CNTN4: variants seen among roughly 807,000 people sequenced by gnomAD.
CNTN4 encodes the protein contactin 4, also known as contactin-4.
In CNTN4, 77 loss-of-function variants were observed where a neutral mutation model predicts 122.5. The observed-to-expected ratio is 0.63, with a 90% CI of 0.52 to 0.76. The LOEUF (loss-of-function observed/expected upper bound fraction) is 0.76, where lower values mean the gene tolerates loss of function less well. Ranked by LOEUF, CNTN4 falls within the 30% of genes least tolerant of loss-of-function variation. The pLI is 0.00. For missense variants in CNTN4, 1,256 were observed against 1,259.1 expected, an observed-to-expected ratio of 1.00 and a Z score of 0.04; for synonymous variants, 512 against 447.0, an observed-to-expected ratio of 1.15 and a Z score of -1.83.
At chr3:2,436,252 G>A (rs1208180510) in intron 3 of CNTN4, among the ~76,000 whole-genome samples, 2 of 152,066 alleles carry the variant, frequency 1.3e-5, no homozygotes, top group African/African-American at 2.4e-5. Context: ...AATAAACAAG[G>A]TCCCTAGCTT....
chr3:2,200,533 G>A (rs573269634), intron 2 of CNTN4, among the ~76,000 whole-genome samples: 15 of 152,130 alleles, frequency 9.9e-5, no homozygotes, highest in Non-Finnish European at 1.8e-4. Flanking sequence ...ATCTTACAAT[G>A]TACAGGACCA....
intron 2 of CNTN4, among the ~76,000 whole-genome samples, chr3:2,323,138 A>G (rs1481613560): frequency 6.6e-6 from 1 of 152,098 alleles, no homozygotes; most frequent in Non-Finnish European, 1.5e-5. Flanking sequence ...ACAACCATAT[A>G]CCTGAAGAAT....
chr3:2,257,785 C>T (rs540046487), intron 2 of CNTN4, among the ~76,000 whole-genome samples: 4 of 151,990 alleles, frequency 2.6e-5, no homozygotes, highest in Admixed American at 1.3e-4. Flanking sequence ...GGAAATAGGC[C>T]GTGCATGGTG....
Position 2,434,783 on chromosome 3 carries a change from T to C in CNTN4, c.-89+95550T>C, listed in dbSNP as rs887529204. Among the ~76,000 whole-genome samples, 3 of 152,158 alleles carry C rather than the reference T, an allele frequency of 2.0e-5. No homozygotes were observed. The East Asian group carries it at 5.8e-4, about 29-fold the overall frequency. On this transcript the variant is annotated intron_variant, in intron 3 of 24. Coordinates refer to ENST00000418658, the MANE Select transcript of CNTN4 (RefSeq NM_175607.3). ...GACTCAAAGACCTATCATCCATTTC[T>C]TCCACGAAGGCAATATTGAATATAT...
In CNTN4 at chr3:2,916,624, T is replaced by A; in HGVS notation, c.1208-9005T>A. Among the ~76,000 whole-genome samples, 2 of 122,378 alleles carry A rather than the reference T, an allele frequency of 1.6e-5. 1 individual carries two copies. The highest frequency in any genetic ancestry group is 1.7e-4 in the Admixed American group (2 of 11,688). The allele number at this position is 122,378 out of a possible 152,430, so 80.3% of individuals were successfully genotyped here. ...TCTTTCTACACAGACACAGCAACAATCTGATTTCTCTTTCCTTTCCCCACA... is the reference window on the plus strand; with the variant it reads ...TCTTTCTACACAGACACAGCAACAAACTGATTTCTCTTTCCTTTCCCCACA... On this transcript the variant is annotated intron_variant, in intron 12 of 24. Transcript: ENST00000418658.
intron 7 of CNTN4, among the ~76,000 whole-genome samples, chr3:2,840,061 G>A (rs1017851327): frequency 6.6e-6 from 1 of 152,058 alleles, no homozygotes; most frequent in Non-Finnish European, 1.5e-5. Context: ...AAATCCCCAG[G>A]TCAAGCCTCC....
chr3:2,274,297 C>T (rs2041414717), intron 2 of CNTN4, among the ~76,000 whole-genome samples: 1 of 152,086 alleles, frequency 6.6e-6, no homozygotes, highest in Non-Finnish European at 1.5e-5. Context: ...GCAGGAGAAT[C>T]ACTTGAACCC....
At chr3:2,222,843 C>G (rs893971964) in intron 2 of CNTN4, among the ~76,000 whole-genome samples, 12 of 152,164 alleles carry the variant, frequency 7.9e-5, no homozygotes, top group Admixed American at 3.3e-4. Context: ...TCATCTTTCT[C>G]TAAACTAAAC....
rs112602951 is a variant in CNTN4 at position 2,848,833 on chromosome 3, G to A, written c.455-17919G>A. On this transcript the variant is annotated intron_variant, in intron 7 of 24. Transcript: ENST00000418658. ...CAATTATGGTGAGTGGAGGATATGA[G>A]GGTGGTGCTGGATAGAAAATGCTGA... Among the ~76,000 whole-genome samples, 28 of 152,354 alleles carry A rather than the reference G, an allele frequency of 1.8e-4. 2 individuals are homozygous for A. The highest frequency in any genetic ancestry group is 6.3e-4 in the African/African-American group (26 of 41,578).
At chr3:2,703,806 CTA>C (rs1452262116) in intron 4 of CNTN4, among the ~76,000 whole-genome samples, 7 of 151,976 alleles carry the variant, frequency 4.6e-5, no homozygotes, top group Admixed American at 1.3e-4. Flanking sequence ...AAACATAGCC[CTA>C]TATGTGTTTA....
At chr3:2,890,604 T>A (rs904058848) in intron 10 of CNTN4, among the ~76,000 whole-genome samples, 4 of 152,178 alleles carry the variant, frequency 2.6e-5, no homozygotes, top group Admixed American at 2.6e-4. Context: ...CTTCTTGCAT[T>A]AAAACCATTT....
intron 4 of CNTN4, among the ~76,000 whole-genome samples, chr3:2,613,330 A>G (rs2081578374): frequency 6.6e-6 from 1 of 152,142 alleles, no homozygotes. Flanking sequence ...TGGCAAGGAA[A>G]AGGATATCAT....
chr3:2,201,908 TCTTA>T (rs537407137), intron 2 of CNTN4, among the ~76,000 whole-genome samples: 80 of 152,218 alleles, frequency 5.3e-4, no homozygotes, highest in African/African-American at 1.8e-3. Flanking sequence ...TTTAAAAAAA[TCTTA>T]CTTATCTTCT....
chr3:2,371,648 C>G (rs1212428688), intron 3 of CNTN4, among the ~76,000 whole-genome samples: 1 of 152,162 alleles, frequency 6.6e-6, no homozygotes, highest in Non-Finnish European at 1.5e-5. Flanking sequence ...TGTTCCTCCG[C>G]TAGATTCGTG....
chr3:2,981,380 C>T (rs57224067), intron 13 of CNTN4, among the ~76,000 whole-genome samples: 112,208 of 151,272 alleles, frequency 0.74, 41,776 homozygotes, highest in Admixed American at 0.8. Context: ...GGAGTTGGAG[C>T]TTGCAGTGAG....
At chr3:2,766,052 T>C (rs1308234569) in intron 6 of CNTN4, among the ~76,000 whole-genome samples, 1 of 152,084 alleles carries the variant, frequency 6.6e-6, no homozygotes, top group Non-Finnish European at 1.5e-5. Context: ...TGAGAAGGCA[T>C]CCCTCATCAC....
intron 3 of CNTN4, among the ~76,000 whole-genome samples, chr3:2,541,830 A>G (rs939680278): frequency 1.3e-5 from 2 of 152,054 alleles, no homozygotes; most frequent in African/African-American, 2.4e-5. Flanking sequence ...TTAGCTTGCT[A>G]TGAGTGGAGA....
intron 7 of CNTN4, among the ~76,000 whole-genome samples, chr3:2,849,290 C>T (rs1014366976): frequency 5.9e-5 from 9 of 152,170 alleles, no homozygotes; most frequent in African/African-American, 1.4e-4. Flanking sequence ...AGAAGGGATA[C>T]AGAGTTTCAG....
Position 2,736,418 on chromosome 3 carries a change from G to C in CNTN4, c.182+77G>C, listed in dbSNP as rs1353503165. 4.9e-5 allele frequency: 53 copies of C among 1,089,304 alleles called. No homozygotes were observed. In the East Asian group the frequency reaches 1.3e-3, roughly 28 times the overall value. 67.5% of individuals were successfully genotyped at this position (1,089,304 alleles called of 1,614,324 possible). A position where few individuals can be genotyped will look rare whatever the true frequency, so the allele number is the denominator to read the frequency against. ...AATCAACAAATACTTATACAATGCT[G>C]GTTACATAAAGAGCTTTTATTTATT... On this transcript the variant is annotated intron_variant, in intron 5 of 24. Transcript: ENST00000418658.
Sources: gnomAD v4.1 joint callset for allele counts (sites outside exome capture counted in the v4.1 genomes callset) on GRCh38, gnomAD v4.1.1 for gene constraint, MANE v1.5 for transcripts, NCBI Gene and HGNC (gene_info 2026-07-23, HGNC 2026-07-21) for gene names.